MAN2B2: variants seen among roughly 807,000 people sequenced by gnomAD.
MAN2B2 encodes epididymis-specific alpha-mannosidase.
MAN2B2 carries 106 observed loss-of-function variants against 117.1 expected under a neutral mutation model. That is an observed-to-expected ratio of 0.90 (90% CI 0.77 to 1.06). The LOEUF is 1.06. Ranked by LOEUF, MAN2B2 falls within the 50% of genes least tolerant of loss-of-function variation. MAN2B2 has a pLI of 0.00. For synonymous variants in MAN2B2, 544 were observed against 595.1 expected, an observed-to-expected ratio of 0.91 and a Z score of 1.25; for missense variants, 1,326 against 1,381.4, an observed-to-expected ratio of 0.96 and a Z score of 0.64.
chr4:6,609,415 C>T, intron 12 of MAN2B2, 117 bp downstream of exon 12: 2 of 993,948 alleles, frequency 2.0e-6, no homozygotes, highest in Non-Finnish European at 3.0e-6. Context: ...CCGTGGTTGA[C>T]ACGTGGTCTG....
chr4:6,607,097 G>A (rs1229601284), intron 11 of MAN2B2, among the ~76,000 whole-genome samples: 4 of 152,164 alleles, frequency 2.6e-5, no homozygotes, highest in African/African-American at 7.2e-5. Context: ...TCCCCCACGG[G>A]CCCTGGCAAT....
intron 7 of MAN2B2, among the ~76,000 whole-genome samples, chr4:6,596,437 C>T (rs760945210): frequency 7.2e-5 from 11 of 152,120 alleles, no homozygotes; most frequent in African/African-American, 1.9e-4. Context: ...ACATCCCAGA[C>T]GCCGAGGAGC....
chr4:6,621,785 G>T lies in MAN2B2; in HGVS notation c.*500G>T, dbSNP rs147581553. On this transcript the variant is annotated 3_prime_UTR_variant, in exon 19 of 19. Transcript: ENST00000285599. ...ACAGGGCAGGAGAGGAAGTTGTAGC[G>T]CCTAGCGAGAGTTCCAGCCCCAGAC... 6.6e-6 allele frequency: 1 copy of T among 152,268 alleles called. No individual in the cohort carries two copies. Among genetic ancestry groups the T allele is most frequent in the Non-Finnish European group, 1.5e-5 (1 of 68,088 alleles). The allele number at this position is 152,268 out of a possible 1,614,324, so 9.4% of individuals were successfully genotyped here. A position where few individuals can be genotyped will look rare whatever the true frequency, so the allele number is the denominator to read the frequency against.
chr4:6,589,473 T>C (rs1005959873), intron 5 of MAN2B2, among the ~76,000 whole-genome samples: 4 of 152,170 alleles, frequency 2.6e-5, no homozygotes, highest in Non-Finnish European at 5.9e-5. Flanking sequence ...ACTCCTGACC[T>C]GAGATGATCC....
intron 15 of MAN2B2, among the ~76,000 whole-genome samples, chr4:6,613,127 G>C (rs1464360254): frequency 2.0e-5 from 3 of 152,230 alleles, no homozygotes; most frequent in Non-Finnish European, 4.4e-5. Flanking sequence ...ACTGGGGTCA[G>C]GTGGCCCATG....
At chr4:6,593,496 C>T (rs1449896331) in intron 6 of MAN2B2, 146 bp downstream of exon 6, 2 of 780,082 alleles carry the variant, frequency 2.6e-6, no homozygotes, top group Middle Eastern at 3.8e-4. Context: ...TCCCTGCAGA[C>T]CCCTGGGCCT....
intron 15 of MAN2B2, among the ~76,000 whole-genome samples, chr4:6,612,056 ACT>A (rs1198796719): frequency 9.2e-5 from 14 of 151,892 alleles, no homozygotes; most frequent in Non-Finnish European, 1.5e-5. Context: ...TAATCCTTAA[ACT>A]CTTTTCTTTT....
intron 3 of MAN2B2, 40 bp from the exon 4 acceptor site, chr4:6,586,956 C>T (rs1726657104): frequency 5.0e-6 from 8 of 1,584,620 alleles, no homozygotes; most frequent in Non-Finnish European, 6.9e-6. Flanking sequence ...AGGCACAGGC[C>T]CGCCCTCCAG....
rs1711593274 is a variant in MAN2B2 at position 6,612,012 on chromosome 4, G to GC, written c.2563+735dup. Among the ~76,000 whole-genome samples, 4 of 152,346 alleles carry GC rather than the reference G, an allele frequency of 2.6e-5. No individual in the cohort carries two copies. The South Asian group carries it at 8.3e-4, about 32-fold the overall frequency. ...CATTTAAAGATGGTCTTTTGGAGCT[G>GC]CAAGACCTAGATACAATTTGCTGCC... On this transcript the variant is annotated intron_variant, in intron 15 of 18. Coordinates refer to ENST00000285599, the MANE Select transcript of MAN2B2 (RefSeq NM_015274.3).
In MAN2B2 at chr4:6,586,993, C is replaced by T; in HGVS notation, c.392-3C>T. On this transcript the variant is annotated splice_polypyrimidine_tract_variant and splice_region_variant and intron_variant, in intron 3 of 18. Coordinates refer to ENST00000285599, the MANE Select transcript of MAN2B2 (RefSeq NM_015274.3). The stretch of plus-strand genomic sequence containing the variant: ...CACCAGCAGGGTGTTGCTGTCTTTG[C>T]AGAAGGACACGGGTTTCTCTATGAA... 4 of 1,612,016 alleles carry T rather than the reference C, an allele frequency of 2.5e-6. No homozygotes were observed. The highest frequency in any genetic ancestry group is 3.4e-6 in the Non-Finnish European group (4 of 1,178,808).
intron 11 of MAN2B2, 67 bp from the exon 12 acceptor site, chr4:6,609,040 T>A: frequency 2.0e-6 from 3 of 1,466,210 alleles, no homozygotes; most frequent in Non-Finnish European, 2.8e-6. Context: ...GAGAGAGGCT[T>A]GCCAGCCGGT....
rs1050109939 is a variant in MAN2B2, at chr4:6,609,613, G to A, written c.2007-185G>A. The A allele has an allele frequency of 1.6e-5, 12 of 727,430 alleles. No individual in the cohort carries two copies. In the Admixed American group the frequency reaches 1.7e-4, roughly 10 times the overall value. The allele number at this position is 727,430 out of a possible 1,614,324, so 45.1% of individuals were successfully genotyped here. On this transcript the variant is annotated intron_variant, in intron 12 of 18. Coordinates refer to ENST00000285599, the MANE Select transcript of MAN2B2 (RefSeq NM_015274.3). Reference sequence around the variant, plus strand: ...GGCATGGCAGCCCTGCGGTGTCGGGGAACCAGGCTGCTCCCAGCCGCTCGG... The same window carrying A: ...GGCATGGCAGCCCTGCGGTGTCGGGAAACCAGGCTGCTCCCAGCCGCTCGG...
intron 13 of MAN2B2, among the ~76,000 whole-genome samples, chr4:6,610,550 A>G (rs971188336): frequency 2.6e-5 from 4 of 152,244 alleles, no homozygotes; most frequent in African/African-American, 9.6e-5. Context: ...TTCTGGTGCT[A>G]CCACAGACAA....
Position 6,622,465 on chromosome 4 carries a change from G to C in MAN2B2, c.*1180G>C, listed in dbSNP as rs1162649962. 3.4e-5 allele frequency: 5 copies of C among 148,380 alleles called. No homozygotes were observed. Among genetic ancestry groups the C allele is most frequent in the Admixed American group, 1.4e-4 (2 of 14,636 alleles). The allele number at this position is 148,380 out of a possible 1,614,324, so 9.2% of individuals were successfully genotyped here. ...TTTTTTTTTTTTTTCCCGAGACAGA[G>C]TCTCACTCTGTCGCCCAGGCTGGAG... On this transcript the variant is annotated 3_prime_UTR_variant, in exon 19 of 19. Transcript: ENST00000285599.
chr4:6,579,051 TCACCACCACCATCACCATCACCAC>T (rs1726198356), intron 3 of MAN2B2, among the ~76,000 whole-genome samples: 21 of 34,202 alleles, frequency 6.1e-4, no homozygotes, highest in Admixed American at 1.8e-3. Context: ...ATCACCACCA[TCACCACCACCATCACCATCACCAC>T]CACCACCACC....
rs777152641 is a variant in MAN2B2, at chr4:6,610,063, A to G, written c.2259+13A>G. 1.2e-6 allele frequency: 2 copies of G among 1,613,690 alleles called. No individual in the cohort carries two copies. Among genetic ancestry groups the G allele is most frequent in the Admixed American group, 1.7e-5 (1 of 60,002 alleles). ...CAGCATCGCCCGGGTATGTCCTGCA[A>G]TGCCCACAAGGCACGCTCCCAATGG... is the stretch of plus-strand genomic sequence containing the variant. On this transcript the variant is annotated intron_variant, in intron 13 of 18. Coordinates refer to ENST00000285599, the MANE Select transcript of MAN2B2 (RefSeq NM_015274.3).
At chr4:6,582,088 G>C (rs1195744859) in intron 3 of MAN2B2, among the ~76,000 whole-genome samples, 1 of 152,014 alleles carries the variant, frequency 6.6e-6, no homozygotes, top group Non-Finnish European at 1.5e-5. Context: ...CCTGAGGGGA[G>C]AGAGCCCAGC....
intron 3 of MAN2B2, among the ~76,000 whole-genome samples, chr4:6,579,344 C>T (rs1251703066): frequency 9.8e-6 from 1 of 101,906 alleles, no homozygotes; most frequent in African/African-American, 3.5e-5. Flanking sequence ...CCACCACCAT[C>T]ACCATCACCA....
intron 10 of MAN2B2, among the ~76,000 whole-genome samples, chr4:6,603,896 G>A (rs1057490372): frequency 1.3e-5 from 2 of 152,286 alleles, no homozygotes; most frequent in Non-Finnish European, 2.9e-5. Context: ...GTCGGGAGGC[G>A]TGTACACCAT....
Sources: gnomAD v4.1 joint callset for allele counts (sites outside exome capture counted in the v4.1 genomes callset) on GRCh38, gnomAD v4.1.1 for gene constraint, MANE v1.5 for transcripts, NCBI Gene and HGNC (gene_info 2026-07-23, HGNC 2026-07-21) for gene names.